LIPA: variants seen among roughly 807,000 people sequenced by gnomAD.
LIPA encodes lysosomal acid lipase/cholesteryl ester hydrolase.
LIPA carries 26 observed loss-of-function variants against 40.6 expected under a neutral mutation model. That is an observed-to-expected ratio of 0.64 (90% CI 0.47 to 0.89). The LOEUF is 0.89. Among genes scored for constraint, LIPA ranks in the 40% least tolerant of loss-of-function variants. The pLI is 0.00. For synonymous variants in LIPA, 188 were observed against 168.4 expected (o/e 1.12, Z -0.90); for missense variants, 455 against 479.6 (o/e 0.95, Z 0.48).
upstream of LIPA, chr10:89,342,832 T>C (rs1283976199): frequency 2.0e-5 from 3 of 152,304 alleles, no homozygotes; most frequent in Non-Finnish European, 4.4e-5. Context: ...CCCGGAGCAG[T>C]TGGGCATTCT....
At chr10:89,241,507 A>G (rs1842964662) in intron 3 of LIPA, among the ~76,000 whole-genome samples, 1 of 152,186 alleles carries the variant, frequency 6.6e-6, no homozygotes, top group South Asian at 2.1e-4. Flanking sequence ...ATTTTTCTAT[A>G]AGGAAAGAAA....
At chr10:89,339,591 A>G (rs1328376491) in intron 1 of LIPA, 1 of 1,614,090 alleles carries the variant, frequency 6.2e-7, no homozygotes, top group Non-Finnish European at 8.5e-7. Flanking sequence ...CACTAAAGCA[A>G]TATGCTATGG....
At chr10:89,297,940 C>G (rs1385707857) in intron 1 of LIPA, among the ~76,000 whole-genome samples, 2 of 152,226 alleles carry the variant, frequency 1.3e-5, no homozygotes, top group African/African-American at 4.8e-5. Flanking sequence ...ACCTAAAGAA[C>G]AGCGTCTCTC....
intron 2 of LIPA, chr10:89,383,826 C>A (rs758308539): frequency 1.2e-6 from 2 of 1,614,034 alleles, no homozygotes; most frequent in Non-Finnish European, 1.7e-6. Flanking sequence ...TGGAAGGGAA[C>A]CCTGAAAACC....
upstream of LIPA, among the ~76,000 whole-genome samples, chr10:89,253,373 T>G (rs1485550544): frequency 2.6e-5 from 4 of 152,214 alleles, no homozygotes; most frequent in African/African-American, 7.2e-5. Flanking sequence ...GCGGCACATG[T>G]GAGAGAAAGA....
chr10:89,384,378 C>CCACAGAAAGGCTGAGGAACATT, intron 2 of LIPA: 1 of 1,614,062 alleles, frequency 6.2e-7, no homozygotes, highest in African/African-American at 1.3e-5. Context: ...AAATAGGCCA[C>CCACAGAAAGGCTGAGGAACATT]CACAGAAAGG....
intron 1 of LIPA, chr10:89,284,263 G>A (rs1391703075): frequency 1.3e-5 from 2 of 152,212 alleles, no homozygotes; most frequent in East Asian, 1.9e-4. Context: ...ACAAGCATGT[G>A]TGTTTCTGTT....
At chr10:89,364,665 TGTATATATATA>T (rs1156986133) in intron 2 of LIPA, among the ~76,000 whole-genome samples, 1 of 148,982 alleles carries the variant, frequency 6.7e-6, no homozygotes, top group African/African-American at 2.4e-5. Flanking sequence ...ATAATATATA[TGTATATATATA>T]GTATATATAT....
chr10:89,225,150 A>C lies in LIPA; in HGVS notation c.617T>G (p.Val206Gly). 1 of 1,614,192 alleles carries C rather than the reference A, an allele frequency of 6.2e-7. No homozygotes were observed. ...MFFALGPVAS[V>G]AFCTSPMAKL... ...GGCCATAGGGCTAGTACAGAAGGCG[A>C]CGGAAGCCACAGGACCCAGGGCAAA... Residue 206 changes from valine to glycine, a missense_variant, in exon 6 of 10, where the codon GTC becomes GGC. Val to Gly is a moderately radical substitution (Grantham distance 109, BLOSUM62 -3). Transcript: ENST00000336233.
At chr10:89,382,294 A>T (rs1361520168) in intron 2 of LIPA, among the ~76,000 whole-genome samples, 1 of 152,206 alleles carries the variant, frequency 6.6e-6, no homozygotes, top group Non-Finnish European at 1.5e-5. Context: ...TGTCAAGTAT[A>T]GACTGTAAAG....
intron 2 of LIPA, chr10:89,362,879 T>G (rs1034959330): frequency 1.0e-5 from 3 of 295,938 alleles, no homozygotes; most frequent in African/African-American, 6.5e-5. Context: ...TGGACGGTTT[T>G]AACACAACAG....
chr10:89,215,457 C>G (rs1247041615), intron 9 of LIPA, among the ~76,000 whole-genome samples: 2 of 152,352 alleles, frequency 1.3e-5, no homozygotes, highest in East Asian at 3.9e-4. Flanking sequence ...CTAAGCCTCA[C>G]TGTCCTCATG....
chr10:89,325,666 T>C (rs1162719186), intron 1 of LIPA, among the ~76,000 whole-genome samples: 1 of 152,066 alleles, frequency 6.6e-6, no homozygotes. Flanking sequence ...CTGAACATTA[T>C]GGACACAAAG....
intron 3 of LIPA, among the ~76,000 whole-genome samples, chr10:89,232,878 G>A (rs375901118): frequency 2.8e-4 from 43 of 152,336 alleles, no homozygotes; most frequent in African/African-American, 9.4e-4. Context: ...GGATTCCCAA[G>A]GGCAATGAGG....
intron 2 of LIPA, chr10:89,406,263 G>A (rs985928307): frequency 1.3e-5 from 2 of 152,230 alleles, no homozygotes; most frequent in African/African-American, 2.4e-5. Context: ...GGGACTTGGA[G>A]AACTTTTCTG....
intron 1 of LIPA, chr10:89,314,647 A>G (rs1482207995): frequency 1.3e-5 from 2 of 152,356 alleles, no homozygotes; most frequent in Non-Finnish European, 2.9e-5. Flanking sequence ...CAGCCTGGCT[A>G]CAGAGCGAGA....
chr10:89,230,437 G>A (rs1842825846), intron 3 of LIPA, among the ~76,000 whole-genome samples: 1 of 152,132 alleles, frequency 6.6e-6, no homozygotes, highest in Non-Finnish European at 1.5e-5. Flanking sequence ...CTCCTGAGTA[G>A]TTGGGATTTC....
At chr10:89,233,725 C>T (rs184689082) in intron 3 of LIPA, among the ~76,000 whole-genome samples, 25 of 152,224 alleles carry the variant, frequency 1.6e-4, no homozygotes, top group Non-Finnish European at 2.1e-4. Flanking sequence ...CATGGTGAAA[C>T]CCTCGTGGTG....
intron 8 of LIPA, among the ~76,000 whole-genome samples, chr10:89,219,092 A>C (rs1157178801): frequency 6.6e-6 from 1 of 152,160 alleles, no homozygotes; most frequent in African/African-American, 2.4e-5. Context: ...AACATATTAC[A>C]TGTTTAACAA....
Sources: allele counts gnomAD v4.1 joint callset (sites outside exome capture counted in the v4.1 genomes callset), GRCh38; gene constraint gnomAD v4.1.1; transcripts MANE v1.5; gene names NCBI Gene and HGNC (gene_info 2026-07-23, HGNC 2026-07-21).